The following LRRC49 variants were observed in gnomAD, a reference collection of about 807,000 sequenced individuals.
LRRC49 encodes the protein leucine-rich repeat-containing protein 49.
Under a neutral mutation model 83.3 loss-of-function variants are expected in LRRC49, and 50 were observed. The observed-to-expected ratio is 0.60, with a 90% CI of 0.48 to 0.76. The LOEUF (loss-of-function observed/expected upper bound fraction) is 0.76, where lower values mean the gene tolerates loss of function less well. Among genes scored for constraint, LRRC49 ranks in the 30% least tolerant of loss-of-function variants. The pLI, the probability that LRRC49 is intolerant of heterozygous loss-of-function variation, is 0.00. For synonymous variants in LRRC49, 286 were observed against 283.3 expected (o/e 1.01, Z -0.10); for missense variants, 704 against 809.1 (o/e 0.87, Z 1.58).
intron 14 of LRRC49, among the ~76,000 whole-genome samples, chr15:71,023,843 A>G (rs1596151727): frequency 6.6e-6 from 1 of 152,178 alleles, no homozygotes; most frequent in Non-Finnish European, 1.5e-5. Flanking sequence ...AGTCACCATC[A>G]CTGAGGCTGC....
intron 14 of LRRC49, among the ~76,000 whole-genome samples, chr15:71,021,995 G>A (rs1352533755): frequency 2.0e-5 from 3 of 152,202 alleles, no homozygotes; most frequent in Admixed American, 6.5e-5. Context: ...AAAGGACGTG[G>A]ATGCAAGGAA....
chr15:70,903,297 A>T (rs2141110966), intron 4 of LRRC49, among the ~76,000 whole-genome samples: 1 of 152,084 alleles, frequency 6.6e-6, no homozygotes, highest in South Asian at 2.1e-4. Flanking sequence ...TAGTTGGATA[A>T]AATATTGTGA....
intron 15 of LRRC49, among the ~76,000 whole-genome samples, chr15:71,038,932 C>T (rs1161471364): frequency 6.6e-6 from 1 of 152,148 alleles, no homozygotes; most frequent in African/African-American, 2.4e-5. Context: ...TAAAAAGACA[C>T]TGTCCTTGCC....
chr15:71,040,279 G>T (rs867107945), intron 15 of LRRC49, among the ~76,000 whole-genome samples: 10 of 152,166 alleles, frequency 6.6e-5, no homozygotes, highest in East Asian at 1.9e-4. Context: ...GGAAACATTA[G>T]CATTAGTAGT....
intron 5 of LRRC49, among the ~76,000 whole-genome samples, chr15:70,909,625 C>G (rs756904040): frequency 2.0e-5 from 3 of 151,968 alleles, no homozygotes; most frequent in Non-Finnish European, 4.4e-5. Context: ...CGGATCACCA[C>G]GTCAAGAGAT....
intron 14 of LRRC49, among the ~76,000 whole-genome samples, chr15:71,015,550 T>G (rs568995776): frequency 6.6e-6 from 1 of 152,244 alleles, no homozygotes; most frequent in African/African-American, 2.4e-5. Context: ...TGTGGCCCGG[T>G]TCCTAACAGC....
At chr15:71,009,768 A>G in intron 12 of LRRC49, 39 bp from the exon 13 acceptor site, 1 of 1,375,252 alleles carries the variant, frequency 7.3e-7, no homozygotes, top group Non-Finnish European at 1.0e-6. Context: ...TATGGTTAAA[A>G]TCAATGTTCT....
intron 9 of LRRC49, among the ~76,000 whole-genome samples, chr15:70,976,417 A>G (rs760696107): frequency 7.2e-5 from 11 of 152,240 alleles, no homozygotes; most frequent in African/African-American, 2.7e-4. Flanking sequence ...TAACTAAAGT[A>G]TATGGTTAAA....
chr15:70,891,762 G>T, upstream of LRRC49: 1 of 1,272,554 alleles, frequency 7.9e-7, no homozygotes, highest in Non-Finnish European at 1.1e-6. Flanking sequence ...GAGATGAGGT[G>T]CCTTTCCCAA....
intron 1 of LRRC49, among the ~76,000 whole-genome samples, chr15:70,864,808 GTTC>G (rs1386067307): frequency 6.6e-6 from 1 of 152,102 alleles, no homozygotes; most frequent in Non-Finnish European, 1.5e-5. Flanking sequence ...TTCAGTTTGG[GTTC>G]TTCTCATAAC....
chr15:71,041,305 A>G (rs1006044370), intron 15 of LRRC49, among the ~76,000 whole-genome samples: 2 of 152,206 alleles, frequency 1.3e-5, no homozygotes, highest in Admixed American at 6.5e-5. Context: ...AGATAATGCA[A>G]TGAAACAAGA....
chr15:70,923,792 C>G (rs926317002), intron 7 of LRRC49, among the ~76,000 whole-genome samples: 3 of 151,796 alleles, frequency 2.0e-5, no homozygotes, highest in African/African-American at 7.2e-5. Flanking sequence ...TACTTTCTCC[C>G]TTTTTCCTTC....
Position 71,051,464 on chromosome 15 carries a change from CTTATATCTTGTTTGGT to C in LRRC49, c.*1853_*1868del, listed in dbSNP as rs1028078685. ...CTAGTAAACACTTATCTCTCCTGGG[CTTATATCTTGTTTGGT>C]ATAGAAATGAGATCCCAGCTTGAAG... is the stretch of plus-strand genomic sequence containing the variant. On this transcript the variant is annotated 3_prime_UTR_variant, in exon 16 of 16. Coordinates refer to ENST00000260382, the MANE Select transcript of LRRC49 (RefSeq NM_017691.5). The C allele has an allele frequency of 6.6e-6, 1 of 152,168 alleles. No individual in the cohort carries two copies. The highest frequency in any genetic ancestry group is 2.4e-5 in the African/African-American group (1 of 41,426). The allele number at this position is 152,168 out of a possible 1,614,324, so 9.4% of individuals were successfully genotyped here. A position where few individuals can be genotyped will look rare whatever the true frequency, so the allele number is the denominator to read the frequency against.
chr15:70,993,940 G>T (rs1446200793), intron 11 of LRRC49, among the ~76,000 whole-genome samples: 1 of 152,054 alleles, frequency 6.6e-6, no homozygotes, highest in Non-Finnish European at 1.5e-5. Context: ...TGCCTCCCAG[G>T]TTCAAGTGAT....
At position 70,911,538 on chromosome 15, in the gene LRRC49, G is replaced by T. The variant is rs1214201813; in HGVS notation, c.507G>T (p.Lys169Asn). The change falls in exon 6 of 16, where the codon AAG (lysine) becomes AAT (asparagine). Residue 169 changes from lysine (K) to asparagine (N), a missense_variant. Lys to Asn is a moderately conservative substitution (Grantham distance 94). Around this residue, in one of 3 missense-constraint regions of LRRC49, gnomAD observed 261 missense variants for 330.5 expected, o/e 0.79. Coordinates refer to ENST00000260382, the MANE Select transcript of LRRC49 (RefSeq NM_017691.5). ...TACTTATTCTGGTTTTCAGAATCAA[G>T]AAAATCTCAAATCTGGAGAATCTAA... ...RVLLLGKNRI[K>N]KISNLENLKS... 3.8e-6 allele frequency: 6 copies of T among 1,573,486 alleles called. No individual in the cohort carries two copies. Among genetic ancestry groups the T allele is most frequent in the Non-Finnish European group, 5.2e-6 (6 of 1,153,650 alleles).
intron 11 of LRRC49, among the ~76,000 whole-genome samples, chr15:71,005,056 T>A (rs1325607684): frequency 6.6e-6 from 1 of 152,144 alleles, no homozygotes; most frequent in Admixed American, 6.5e-5. Context: ...AAAAAAGAAA[T>A]TATTCTTACA....
intron 2 of LRRC49, among the ~76,000 whole-genome samples, chr15:70,894,174 G>A (rs1340026705): frequency 2.6e-5 from 4 of 152,186 alleles, no homozygotes; most frequent in African/African-American, 9.7e-5. Context: ...GGGATTACAG[G>A]CAACAGCCAC....
intron 2 of LRRC49, chr15:70,882,645 G>A: frequency 3.1e-6 from 5 of 1,613,554 alleles, no homozygotes; most frequent in Middle Eastern, 3.3e-4. Context: ...ACTTTGGCTT[G>A]AATACCTGAA....
At chr15:70,972,434 A>G (rs532506773) in intron 9 of LRRC49, among the ~76,000 whole-genome samples, 6 of 151,856 alleles carry the variant, frequency 4.0e-5, no homozygotes, top group East Asian at 3.9e-4. Flanking sequence ...CTTCATTTCA[A>G]CCTTGGTGTA....
Sources: allele counts gnomAD v4.1 joint callset (sites outside exome capture counted in the v4.1 genomes callset), GRCh38; gene constraint gnomAD v4.1.1; regional missense constraint gnomAD v4.1.1; transcripts MANE v1.5; gene names NCBI Gene and HGNC (gene_info 2026-07-23, HGNC 2026-07-21).